The following VTI1A variants were observed in gnomAD, a reference collection of about 807,000 sequenced individuals.
VTI1A encodes vesicle transport through interaction with t-SNAREs 1A.
A neutral mutation model predicts 34.9 loss-of-function variants in VTI1A; 22 were observed. The ratio of observed to expected loss-of-function variants is 0.63; its 90% CI spans 0.45 to 0.90. The LOEUF is 0.90. VTI1A is among the 40% of genes least tolerant of loss of function. The probability of loss-of-function intolerance (pLI) is 0.00; values close to 1 mark genes in which losing one functional copy is unlikely to be tolerated. For synonymous variants in VTI1A, 87 were observed against 97.3 expected, an observed-to-expected ratio of 0.89 and a Z score of 0.62; for missense variants, 268 against 275.6, an observed-to-expected ratio of 0.97 and a Z score of 0.20.
At chr10:112,624,098 G>A (rs1259398473) in intron 5 of VTI1A, among the ~76,000 whole-genome samples, 4 of 152,158 alleles carry the variant, frequency 2.6e-5, no homozygotes, top group African/African-American at 9.7e-5. Flanking sequence ...TGAAAGACTA[G>A]TGCATTTACC....
chr10:112,563,486 C>A (rs1279856354), intron 5 of VTI1A, among the ~76,000 whole-genome samples: 2 of 152,068 alleles, frequency 1.3e-5, no homozygotes, highest in African/African-American at 4.8e-5. Flanking sequence ...GGCAATAGAC[C>A]AAATGTTCTT....
intron 3 of VTI1A, among the ~76,000 whole-genome samples, chr10:112,506,428 A>G (rs984709452): frequency 8.5e-5 from 13 of 152,308 alleles, no homozygotes; most frequent in African/African-American, 3.1e-4. Flanking sequence ...TCCCCCACAG[A>G]TGAGACGGGC....
chr10:112,846,407 T>G, the VTI1A span, among the ~76,000 whole-genome samples: 1 of 152,224 alleles, frequency 6.6e-6, no homozygotes. Context: ...AATAAAACTT[T>G]CCGTGATGAT....
chr10:112,575,121 A>G (rs979565382), intron 5 of VTI1A, among the ~76,000 whole-genome samples: 1 of 152,222 alleles, frequency 6.6e-6, no homozygotes, highest in Non-Finnish European at 1.5e-5. Flanking sequence ...AGGACCTTGT[A>G]TGGTTTGCTC....
intron 7 of VTI1A, among the ~76,000 whole-genome samples, chr10:112,709,095 T>G (rs1169786675): frequency 6.6e-6 from 1 of 152,202 alleles, no homozygotes; most frequent in African/African-American, 2.4e-5. Flanking sequence ...TGTTCCTGAT[T>G]AGACCGCCTT....
At chr10:112,719,594 T>C (rs1378560526) in intron 7 of VTI1A, among the ~76,000 whole-genome samples, 1 of 152,082 alleles carries the variant, frequency 6.6e-6, no homozygotes, top group African/African-American at 2.4e-5. Flanking sequence ...TTGCCCAGGC[T>C]GCAGTGCAAT....
chr10:112,602,610 A>G (rs1012708069), intron 5 of VTI1A, among the ~76,000 whole-genome samples: 1 of 152,336 alleles, frequency 6.6e-6, no homozygotes, highest in Non-Finnish European at 1.5e-5. Flanking sequence ...TTAATATACA[A>G]ATATTGGTGC....
At chr10:112,844,263 C>G in the VTI1A span, among the ~76,000 whole-genome samples, 1 of 152,162 alleles carries the variant, frequency 6.6e-6, no homozygotes, top group African/African-American at 2.4e-5. Context: ...CACTTCCTTT[C>G]CTCATTTCTT....
At chr10:112,680,948 G>T (rs532220276) in intron 7 of VTI1A, among the ~76,000 whole-genome samples, 2 of 152,224 alleles carry the variant, frequency 1.3e-5, no homozygotes, top group African/African-American at 4.8e-5. Context: ...AAGATGTTTG[G>T]CCACAGCTGT....
At chr10:112,670,585 G>A (rs1394534408) in intron 7 of VTI1A, among the ~76,000 whole-genome samples, 18 of 152,246 alleles carry the variant, frequency 1.2e-4, no homozygotes, top group African/African-American at 4.8e-5. Flanking sequence ...AACAAATAAA[G>A]CATCTTCTCA....
At chr10:112,551,767 A>T (rs1314528017) in intron 5 of VTI1A, among the ~76,000 whole-genome samples, 1 of 152,126 alleles carries the variant, frequency 6.6e-6, no homozygotes, top group African/African-American at 2.4e-5. Flanking sequence ...GATGGGCCTT[A>T]TGGAATACAT....
At chr10:112,756,874 C>A (rs1332784025) in intron 7 of VTI1A, among the ~76,000 whole-genome samples, 1 of 151,954 alleles carries the variant, frequency 6.6e-6, no homozygotes. Context: ...TGGCAAAACC[C>A]TGTCTCTACA....
chr10:112,468,158 C>T (rs1344686742), intron 3 of VTI1A, among the ~76,000 whole-genome samples: 1 of 152,090 alleles, frequency 6.6e-6, no homozygotes, highest in African/African-American at 2.4e-5. Flanking sequence ...GCATTGTAGG[C>T]CGTGGTAAAG....
At chr10:112,705,056 C>T (rs947665758) in intron 7 of VTI1A, among the ~76,000 whole-genome samples, 15 of 148,008 alleles carry the variant, frequency 1.0e-4, no homozygotes, top group East Asian at 2.0e-4. Flanking sequence ...CCACCATGCC[C>T]GGCTAAGTTT....
At chr10:112,828,052 AG>A in the VTI1A span, among the ~76,000 whole-genome samples, 1 of 152,176 alleles carries the variant, frequency 6.6e-6, no homozygotes, top group South Asian at 2.1e-4. Flanking sequence ...TCTACTGTAA[AG>A]CAGAGAAAAT....
At chr10:112,548,481 G>A (rs765772756) in intron 5 of VTI1A, among the ~76,000 whole-genome samples, 3 of 152,072 alleles carry the variant, frequency 2.0e-5, no homozygotes, top group South Asian at 4.1e-4. Flanking sequence ...AAGGTTTTAC[G>A]ATGCATTGTT....
chr10:112,518,874 GT>G (rs1371450511), intron 3 of VTI1A, among the ~76,000 whole-genome samples: 1 of 151,716 alleles, frequency 6.6e-6, no homozygotes, highest in Non-Finnish European at 1.5e-5. Context: ...GGAAGAATAT[GT>G]TATTTATGAA....
intron 1 of VTI1A, among the ~76,000 whole-genome samples, chr10:112,456,320 GC>G (rs771095908): frequency 6.6e-5 from 10 of 151,862 alleles, no homozygotes; most frequent in Non-Finnish European, 1.2e-4. Context: ...TACTCGGGAG[GC>G]TGCAGCAGGA....
chr10:112,804,653 G>A (rs530235215), intron 7 of VTI1A, among the ~76,000 whole-genome samples: 5 of 152,110 alleles, frequency 3.3e-5, no homozygotes, highest in Non-Finnish European at 4.4e-5. Context: ...CTCTAATCGC[G>A]GCCTTTGTCG....
Sources: gnomAD v4.1 joint callset for allele counts (sites outside exome capture counted in the v4.1 genomes callset) on GRCh38, gnomAD v4.1.1 for gene constraint, MANE v1.5 for transcripts, NCBI Gene and HGNC (gene_info 2026-07-23, HGNC 2026-07-21) for gene names.